SVEP1: variants seen among roughly 807,000 people sequenced by gnomAD.
SVEP1 encodes the protein sushi, von Willebrand factor type A, EGF and pentraxin domain-containing protein 1.
A neutral mutation model predicts 367.3 loss-of-function variants in SVEP1; 164 were observed. That is an observed-to-expected ratio of 0.45 (90% CI 0.39 to 0.51). The LOEUF (loss-of-function observed/expected upper bound fraction) is 0.51. Among genes scored for constraint, SVEP1 ranks in the 20% least tolerant of loss-of-function variants. The pLI is 0.00. For missense variants in SVEP1, 4,117 were observed against 4,425.3 expected, an observed-to-expected ratio of 0.93 and a Z score of 1.98; for synonymous variants, 1,666 against 1,611.6, an observed-to-expected ratio of 1.03 and a Z score of -0.81.
chr9:110,451,677 T>C (rs1229625353), intron 22 of SVEP1, among the ~76,000 whole-genome samples: 1 of 152,232 alleles, frequency 6.6e-6, no homozygotes, highest in Non-Finnish European at 1.5e-5. Context: ...TGATTTTGTT[T>C]TAAATTTTTT....
At position 110,476,257 on chromosome 9, in the gene SVEP1, G is replaced by T; in HGVS notation, c.2546C>A (p.Thr849Asn). The change falls in exon 14 of 48, where the codon ACC becomes AAC. Residue 849 changes from threonine to asparagine, a missense_variant. Coordinates refer to ENST00000374469, the MANE Select transcript of SVEP1 (RefSeq NM_153366.4). Reference protein sequence around the residue: ...DIDCRLEENLTKKYCLEYNYD... With the variant: ...DIDCRLEENLNKKYCLEYNYD... ...ATTATATTCTAGGCAATATTTTTTG[G>T]TCAGGTTCTCCTCCAGTCTGCAGTC... is the stretch of plus-strand genomic sequence containing the variant. 1 of 1,613,102 alleles carries T rather than the reference G, an allele frequency of 6.2e-7. No homozygotes were observed. The highest frequency in any genetic ancestry group is 8.5e-7 in the Non-Finnish European group (1 of 1,179,490).
chr9:110,379,467 C>G lies in SVEP1; in HGVS notation c.10288G>C (p.Val3430Leu). The G allele has an allele frequency of 6.2e-7, 1 of 1,613,752 alleles. No individual in the cohort carries two copies. The highest frequency in any genetic ancestry group is 8.5e-7 in the Non-Finnish European group (1 of 1,179,772). ...AHVENAIARGVHYQYGDMITY... is the reference protein window; with the variant it reads ...AHVENAIARGLHYQYGDMITY... ...ATCATGTCTCCATATTGATAATGTA[C>G]GCCTCGAGCAATTGCATTTTCTACG... The change falls in exon 44 of 48, where the codon GTA becomes CTA. Residue 3430 changes from valine (V) to leucine (L), a missense_variant. By Grantham distance (32) the Val-to-Leu change is conservative (BLOSUM62 1). Around this residue, in one of 4 missense-constraint regions of SVEP1, gnomAD observed 1,765 missense variants for 1,781.1 expected, o/e 0.99. Transcript: ENST00000374469.
intron 5 of SVEP1, among the ~76,000 whole-genome samples, chr9:110,506,887 G>A (rs1829634843): frequency 2.0e-5 from 3 of 152,074 alleles, no homozygotes; most frequent in Admixed American, 6.6e-5. Flanking sequence ...AGGGTGAGGG[G>A]AAGGGGAAGT....
rs755975234 is a variant in SVEP1, at chr9:110,370,036, CATTT to C, written c.10601-24_10601-21del. ...AAACAGCTGGAATAAAAAACCCATG[CATTT>C]ATTTAATTAATACTTAGCAATTCTG... is the stretch of plus-strand genomic sequence containing the variant. On this transcript the variant is annotated intron_variant, in intron 46 of 47. Coordinates refer to ENST00000374469, the MANE Select transcript of SVEP1 (RefSeq NM_153366.4). The C allele has an allele frequency of 1.4e-5, 22 of 1,601,582 alleles. No individual in the cohort carries two copies. Among genetic ancestry groups the C allele is most frequent in the Middle Eastern group, 1.6e-4 (1 of 6,064 alleles).
At chr9:110,395,117 C>T (rs1321076270) in intron 40 of SVEP1, among the ~76,000 whole-genome samples, 1 of 152,160 alleles carries the variant, frequency 6.6e-6, no homozygotes, top group Non-Finnish European at 1.5e-5. Flanking sequence ...GTCAGGTTAC[C>T]CACAAAGGGA....
intron 23 of SVEP1, among the ~76,000 whole-genome samples, chr9:110,450,467 G>GCT (rs768177507): frequency 9.8e-6 from 1 of 102,106 alleles, no homozygotes; most frequent in Non-Finnish European, 1.9e-5. Flanking sequence ...TTGATAATCT[G>GCT]TTTTTTTTTT....
At chr9:110,468,369 C>T (rs116911418) in intron 17 of SVEP1, among the ~76,000 whole-genome samples, 8,304 of 152,272 alleles carry the variant, frequency 0.055, 351 homozygotes, top group Admixed American at 0.12. Context: ...GGGCTTAGAA[C>T]ACCCTACCCC....
chr9:110,413,173 A>G (rs1828069195), intron 36 of SVEP1, among the ~76,000 whole-genome samples: 1 of 136,452 alleles, frequency 7.3e-6, no homozygotes, highest in African/African-American at 2.8e-5. Context: ...TGGATTAAGA[A>G]AATGTGGCAC....
Position 110,549,965 on chromosome 9 carries a change from C to A in SVEP1, c.671G>T (p.Trp224Leu). Reference protein sequence around the residue: ...SGVEIFTFGIWQGNIRELNDM... With the variant: ...SGVEIFTFGILQGNIRELNDM... ...ATTCAGCTCTCGAATGTTCCCTTGCCATATGCCAAAAGTGAAGATCTCCAC... is the reference window on the plus strand; with the variant it reads ...ATTCAGCTCTCGAATGTTCCCTTGCAATATGCCAAAAGTGAAGATCTCCAC... Residue 224 changes from tryptophan (W) to leucine (L), a missense_variant, in exon 2 of 48, where the codon TGG becomes TTG. Physicochemically the swap from Trp to Leu is moderately conservative, Grantham distance 61. Transcript: ENST00000374469. The A allele has an allele frequency of 6.2e-7, 1 of 1,613,946 alleles. No individual in the cohort carries two copies.
At chr9:110,483,786 G>T in intron 9 of SVEP1, 93 bp from the exon 10 acceptor site, 1 of 870,630 alleles carries the variant, frequency 1.1e-6, no homozygotes, top group Non-Finnish European at 1.7e-6. Flanking sequence ...GCTTGTGCTG[G>T]CAGACAGCCT....
chr9:110,489,627 A>C (rs1829335909), intron 9 of SVEP1, 23 bp downstream of exon 9: 2 of 1,599,468 alleles, frequency 1.3e-6, no homozygotes, highest in Non-Finnish European at 1.7e-6. Context: ...TGGATGGGGA[A>C]ACAACCAAAC....
intron 41 of SVEP1, among the ~76,000 whole-genome samples, chr9:110,388,949 A>G (rs1827570746): frequency 6.6e-6 from 1 of 151,888 alleles, no homozygotes; most frequent in African/African-American, 2.4e-5. Flanking sequence ...ACCCTGGGTG[A>G]CAGAGTGAGA....
intron 27 of SVEP1, among the ~76,000 whole-genome samples, chr9:110,439,220 A>AT (rs1828476406): frequency 6.6e-6 from 1 of 152,094 alleles, no homozygotes; most frequent in Non-Finnish European, 1.5e-5. Context: ...AAATGCCTGC[A>AT]TAAGAAGAGA....
chr9:110,531,975 C>G (rs1830028128), intron 3 of SVEP1, among the ~76,000 whole-genome samples: 1 of 152,144 alleles, frequency 6.6e-6, no homozygotes, highest in South Asian at 2.1e-4. Flanking sequence ...TATTTTGATA[C>G]TAAGCCAGTG....
intron 5 of SVEP1, 37 bp from the exon 6 acceptor site, chr9:110,503,254 A>C: frequency 6.4e-7 from 1 of 1,566,814 alleles, no homozygotes; most frequent in South Asian, 1.2e-5. Flanking sequence ...ACATTTTGCT[A>C]AATAAGGATA....
At position 110,438,818 on chromosome 9, in the gene SVEP1, G is replaced by A. The variant is rs191825109; in HGVS notation, c.4640-2314C>T. Among the ~76,000 whole-genome samples, 129 of 152,254 alleles carry A rather than the reference G, an allele frequency of 8.5e-4. No homozygotes were observed. In the East Asian group the frequency reaches 0.015, roughly 18 times the overall value. The stretch of plus-strand genomic sequence containing the variant: ...TTGCCAGCGCTCTATACACAGGTTT[G>A]CTATGCTGAATCCTAGCCAGTTTTA... On this transcript the variant is annotated intron_variant, in intron 27 of 47. Transcript: ENST00000374469.
At chr9:110,434,299 A>C (rs1209754280) in intron 30 of SVEP1, 37 bp downstream of exon 30, 1 of 1,569,500 alleles carries the variant, frequency 6.4e-7, no homozygotes, top group Non-Finnish European at 8.7e-7. Flanking sequence ...AATATTTTTC[A>C]AAAGTCACTG....
chr9:110,383,350 G>T (rs1309746452), intron 43 of SVEP1, among the ~76,000 whole-genome samples: 9 of 152,052 alleles, frequency 5.9e-5, no homozygotes, highest in Non-Finnish European at 5.9e-5. Context: ...GTTTGCTGGG[G>T]GTCCACTCCA....
In SVEP1 at chr9:110,471,581, G is replaced by A. The variant is rs371514355; in HGVS notation, c.2781C>T (p.Pro927=). ...ATTCAAGGGTATCATTTCTTTCATC[G>A]GGTAATGGCACACTAGCTGAGATAA... ...IFNITASVPL[P]DERNDTLEWE... is the part of the protein sequence containing the mutation. The change falls in exon 16 of 48, where the codon CCC becomes CCT. Residue 927 remains proline, a synonymous_variant. Coordinates refer to ENST00000374469, the MANE Select transcript of SVEP1 (RefSeq NM_153366.4). The A allele has an allele frequency of 4.9e-5, 79 of 1,613,050 alleles. No homozygotes were observed. The highest frequency in any genetic ancestry group is 9.4e-5 in the African/African-American group (7 of 74,796).
Sources: gnomAD v4.1 joint callset for allele counts (sites outside exome capture counted in the v4.1 genomes callset) on GRCh38, gnomAD v4.1.1 for gene constraint, gnomAD v4.1.1 regional missense constraint, MANE v1.5 for transcripts, NCBI Gene and HGNC (gene_info 2026-07-23, HGNC 2026-07-21) for gene names.